The following RALYL variants were observed in gnomAD, a reference collection of about 807,000 sequenced individuals.
RALYL encodes the protein RALY RNA binding protein like.
Under a neutral mutation model 35.1 loss-of-function variants are expected in RALYL, and 29 were observed. The observed-to-expected ratio is 0.83, with a 90% CI of 0.61 to 1.13. RALYL has a LOEUF of 1.13. Among genes scored for constraint, RALYL ranks in the 50% most tolerant of loss-of-function variants. The pLI is 0.00. For missense variants in RALYL, 359 were observed against 360.4 expected, an observed-to-expected ratio of 1.00 and a Z score of 0.03; for synonymous variants, 120 against 127.6, an observed-to-expected ratio of 0.94 and a Z score of 0.40.
At chr8:84,617,979 G>A (rs1194502974) in intron 2 of RALYL, among the ~76,000 whole-genome samples, 3 of 151,776 alleles carry the variant, frequency 2.0e-5, no homozygotes, top group Non-Finnish European at 4.4e-5. Flanking sequence ...TTGATGTGCT[G>A]CTGGATTCGT....
intron 1 of RALYL, among the ~76,000 whole-genome samples, chr8:84,386,047 G>A (rs2131679453): frequency 6.6e-6 from 1 of 151,884 alleles, no homozygotes; most frequent in South Asian, 2.1e-4. Flanking sequence ...GCATTCACTT[G>A]GGAAAGAGAG....
At chr8:84,814,157 CACAT>C (rs1826597766) in intron 4 of RALYL, among the ~76,000 whole-genome samples, 1 of 152,092 alleles carries the variant, frequency 6.6e-6, no homozygotes, top group Non-Finnish European at 1.5e-5. Context: ...CACTTTTTGA[CACAT>C]AAGAATTGCT....
chr8:84,861,452 A>G (rs946258331), intron 5 of RALYL, among the ~76,000 whole-genome samples: 1 of 152,124 alleles, frequency 6.6e-6, no homozygotes, highest in African/African-American at 2.4e-5. Flanking sequence ...GATTCCTTTC[A>G]TTGTTTAATG....
In RALYL at chr8:84,199,914, C is replaced by T. The variant is rs576411612; in HGVS notation, c.-24+15490C>T. ...TACCTAGTAAATGTCATGGAAAGAA[C>T]TTATCTCTGCCAATTGCATTGGAAG... On this transcript the variant is annotated intron_variant, in intron 1 of 8. Transcript: ENST00000521268. Among the ~76,000 whole-genome samples, 68 of 152,246 alleles carry T rather than the reference C, an allele frequency of 4.5e-4. No homozygotes were observed. In the South Asian group the frequency reaches 8.5e-3, roughly 19 times the overall value.
At chr8:84,262,397 G>A (rs1276567288) in intron 1 of RALYL, among the ~76,000 whole-genome samples, 3 of 152,096 alleles carry the variant, frequency 2.0e-5, no homozygotes, top group African/African-American at 7.2e-5. Flanking sequence ...ATCTTTCAAT[G>A]TGTTATCAAA....
chr8:84,420,005 T>A (rs2045305683), intron 1 of RALYL, among the ~76,000 whole-genome samples: 1 of 150,924 alleles, frequency 6.6e-6, no homozygotes, highest in Non-Finnish European at 1.5e-5. Flanking sequence ...GCAATAAACA[T>A]ACGTGTGCAT....
chr8:84,401,994 A>G (rs2042967529), intron 1 of RALYL, among the ~76,000 whole-genome samples: 1 of 152,030 alleles, frequency 6.6e-6, no homozygotes, highest in Non-Finnish European at 1.5e-5. Context: ...TTTACTATAA[A>G]CTCAGAGGTC....
intron 1 of RALYL, among the ~76,000 whole-genome samples, chr8:84,431,029 T>A (rs2047084586): frequency 1.3e-5 from 2 of 152,148 alleles, no homozygotes; most frequent in South Asian, 4.1e-4. Context: ...AGTAGGGCAC[T>A]AATACCGATC....
At chr8:84,686,748 A>G (rs1397353405) in intron 2 of RALYL, among the ~76,000 whole-genome samples, 1 of 152,154 alleles carries the variant, frequency 6.6e-6, no homozygotes, top group Non-Finnish European at 1.5e-5. Context: ...ACATATTTTC[A>G]TCATCATAAG....
intron 2 of RALYL, among the ~76,000 whole-genome samples, chr8:84,615,248 T>A: frequency 6.6e-6 from 1 of 151,658 alleles, no homozygotes; most frequent in East Asian, 1.9e-4. Context: ...CCCAGAGGAC[T>A]GTTAGAGATT....
intron 1 of RALYL, among the ~76,000 whole-genome samples, chr8:84,209,125 C>CAAAAAAAAAAA (rs60246316): frequency 3.4e-3 from 332 of 97,394 alleles, no homozygotes; most frequent in Non-Finnish European, 4.2e-3. Context: ...ACTCCTCCAC[C>CAAAAAAAAAAA]AAAAAAAAAA....
chr8:84,900,299 A>T (rs1845450652), intron 8 of RALYL, among the ~76,000 whole-genome samples: 1 of 152,184 alleles, frequency 6.6e-6, no homozygotes, highest in Admixed American at 6.6e-5. Flanking sequence ...AGGAAAATGG[A>T]GAAATCTAAA....
intron 3 of RALYL, among the ~76,000 whole-genome samples, chr8:84,794,895 A>G (rs1385464568): frequency 6.6e-6 from 1 of 152,228 alleles, no homozygotes; most frequent in Non-Finnish European, 1.5e-5. Flanking sequence ...TGAGCCCTGC[A>G]GCCTTAATTT....
At chr8:84,486,835 A>G (rs551152238) in intron 1 of RALYL, among the ~76,000 whole-genome samples, 13 of 152,262 alleles carry the variant, frequency 8.5e-5, no homozygotes, top group African/African-American at 3.1e-4. Flanking sequence ...AACACTTAAC[A>G]TAAGGTCTAC....
intron 2 of RALYL, among the ~76,000 whole-genome samples, chr8:84,731,223 G>A (rs1342790626): frequency 1.3e-5 from 2 of 152,150 alleles, no homozygotes; most frequent in East Asian, 3.9e-4. Flanking sequence ...AGAGTCTGTA[G>A]AATAGGAGGC....
Position 84,253,988 on chromosome 8 carries a change from A to ACC in RALYL, c.-24+69564_-24+69565insCC. Among the ~76,000 whole-genome samples, 9 of 152,232 alleles carry ACC rather than the reference A, an allele frequency of 5.9e-5. No individual in the cohort carries two copies. The South Asian group carries it at 1.0e-3, about 18-fold the overall frequency. Reference sequence around the variant, plus strand: ...AATATTATTTCTCATATTTTTGTAAATAGGTTGACAAATGCATCATGATAT... The same window carrying ACC: ...AATATTATTTCTCATATTTTTGTAAACCTAGGTTGACAAATGCATCATGATAT... On this transcript the variant is annotated intron_variant, in intron 1 of 8. Transcript: ENST00000521268.
At chr8:84,476,208 T>C (rs1166647112) in intron 1 of RALYL, among the ~76,000 whole-genome samples, 3 of 152,296 alleles carry the variant, frequency 2.0e-5, no homozygotes, top group Middle Eastern at 3.4e-3. Flanking sequence ...CCAGATTCTA[T>C]GCTAATTTCA....
intron 2 of RALYL, among the ~76,000 whole-genome samples, chr8:84,606,616 G>A (rs1817200471): frequency 6.6e-6 from 1 of 152,102 alleles, no homozygotes; most frequent in Admixed American, 6.6e-5. Flanking sequence ...TAAAGAAGTG[G>A]AGGGTCTTTC....
intron 2 of RALYL, among the ~76,000 whole-genome samples, chr8:84,761,586 A>G (rs983341320): frequency 2.6e-5 from 4 of 152,116 alleles, no homozygotes; most frequent in African/African-American, 9.7e-5. Context: ...AAATTGCAAG[A>G]TCATCCTAAC....
Sources: gnomAD v4.1 joint callset for allele counts (sites outside exome capture counted in the v4.1 genomes callset) on GRCh38, gnomAD v4.1.1 for gene constraint, MANE v1.5 for transcripts, NCBI Gene and HGNC (gene_info 2026-07-23, HGNC 2026-07-21) for gene names.